The following RBMS3 variants were observed in gnomAD, a reference collection of about 807,000 sequenced individuals.
The protein encoded by RBMS3 is RNA-binding motif, single-stranded-interacting protein 3.
A neutral mutation model predicts 66.8 loss-of-function variants in RBMS3; 27 were observed. The observed-to-expected ratio is 0.40, with a 90% CI of 0.30 to 0.56. The LOEUF is 0.56. Among genes scored for constraint, RBMS3 ranks in the 20% least tolerant of loss-of-function variants. The pLI is 0.40. For synonymous variants in RBMS3, 188 were observed against 183.0 expected (o/e 1.03, Z -0.22); for missense variants, 513 against 549.5 (o/e 0.93, Z 0.66).
chr3:29,927,692 T>G (rs76755392), intron 10 of RBMS3, among the ~76,000 whole-genome samples: 3,869 of 152,176 alleles, frequency 0.025, 99 homozygotes, highest in African/African-American at 0.066. Flanking sequence ...AAGAGAATGA[T>G]GAGGAATACA....
intron 1 of RBMS3, among the ~76,000 whole-genome samples, chr3:29,289,539 A>G (rs2032647143): frequency 6.6e-6 from 1 of 152,060 alleles, no homozygotes; most frequent in Admixed American, 6.6e-5. Flanking sequence ...TTATAAAAGC[A>G]TAAAGAATCC....
chr3:29,493,266 G>T (rs757597855), intron 3 of RBMS3, among the ~76,000 whole-genome samples: 1 of 152,158 alleles, frequency 6.6e-6, no homozygotes, highest in Non-Finnish European at 1.5e-5. Flanking sequence ...ACTGAACATG[G>T]AGCTATGTAA....
At chr3:29,558,660 C>T (rs182039799) in intron 3 of RBMS3, among the ~76,000 whole-genome samples, 43 of 152,208 alleles carry the variant, frequency 2.8e-4, no homozygotes, top group African/African-American at 1.0e-3. Flanking sequence ...CTCTTAGAAC[C>T]TGAAATGATC....
intron 1 of RBMS3, among the ~76,000 whole-genome samples, chr3:29,433,114 G>T (rs1441250588): frequency 2.0e-5 from 3 of 147,864 alleles, no homozygotes. Context: ...GTTTCTTGAG[G>T]TTTTTTTTTT....
intron 3 of RBMS3, among the ~76,000 whole-genome samples, chr3:29,552,671 G>T (rs1039353448): frequency 1.3e-5 from 2 of 151,912 alleles, no homozygotes; most frequent in East Asian, 1.9e-4. Flanking sequence ...CTGAAGAAAA[G>T]AAAATTAAAA....
chr3:29,803,553 C>A (rs2057453318), intron 6 of RBMS3, among the ~76,000 whole-genome samples: 1 of 151,940 alleles, frequency 6.6e-6, no homozygotes, highest in Non-Finnish European at 1.5e-5. Context: ...AGTTTGCAAA[C>A]TGGTTGTCTT....
chr3:29,747,644 A>G (rs536148530), intron 5 of RBMS3, among the ~76,000 whole-genome samples: 7 of 152,320 alleles, frequency 4.6e-5, no homozygotes, highest in African/African-American at 1.7e-4. Context: ...ATGACCAGGA[A>G]AAATTAGGCA....
At chr3:29,691,138 G>T (rs1330903508) in intron 4 of RBMS3, among the ~76,000 whole-genome samples, 1 of 152,126 alleles carries the variant, frequency 6.6e-6, no homozygotes, top group Non-Finnish European at 1.5e-5. Flanking sequence ...GTATAAATAT[G>T]CCAGTCATAT....
intron 12 of RBMS3, among the ~76,000 whole-genome samples, chr3:29,977,617 A>G (rs2149774697): frequency 6.6e-6 from 1 of 152,238 alleles, no homozygotes; most frequent in Middle Eastern, 3.4e-3. Flanking sequence ...TGTGGGTTTG[A>G]AAATGGTTAT....
chr3:29,689,891 G>A (rs1467492357), intron 4 of RBMS3, among the ~76,000 whole-genome samples: 1 of 73,462 alleles, frequency 1.4e-5, no homozygotes, highest in African/African-American at 4.8e-5. Context: ...ACCAGATTCA[G>A]CAACATAGCA....
At chr3:29,579,780 C>T (rs909523360) in intron 3 of RBMS3, among the ~76,000 whole-genome samples, 1 of 152,102 alleles carries the variant, frequency 6.6e-6, no homozygotes, top group African/African-American at 2.4e-5. Context: ...GGTTAATCTG[C>T]CCATTTACTG....
chr3:29,835,142 A>G (rs149747663), intron 6 of RBMS3, among the ~76,000 whole-genome samples: 33 of 152,184 alleles, frequency 2.2e-4, no homozygotes, highest in African/African-American at 7.7e-4. Flanking sequence ...TATTAAGCAA[A>G]TATTAACAGA....
At chr3:29,965,719 G>C (rs1213727546) in intron 12 of RBMS3, among the ~76,000 whole-genome samples, 1 of 152,094 alleles carries the variant, frequency 6.6e-6, no homozygotes, top group Non-Finnish European at 1.5e-5. Flanking sequence ...CTGTACAAAA[G>C]CATCTTAGTT....
chr3:29,738,762 A>G (rs557271225), intron 4 of RBMS3, among the ~76,000 whole-genome samples: 20 of 152,296 alleles, frequency 1.3e-4, no homozygotes, highest in South Asian at 1.0e-3. Context: ...TGTGTTTCCA[A>G]TAAGTTCCCA....
chr3:29,731,820 T>A (rs896866746), intron 4 of RBMS3, among the ~76,000 whole-genome samples: 1 of 152,078 alleles, frequency 6.6e-6, no homozygotes, highest in African/African-American at 2.4e-5. Flanking sequence ...CCTCACTCCC[T>A]CTCGTGCACT....
intron 2 of RBMS3, among the ~76,000 whole-genome samples, chr3:29,443,702 C>T (rs914050735): frequency 3.3e-5 from 5 of 151,972 alleles, no homozygotes; most frequent in African/African-American, 7.2e-5. Flanking sequence ...AGCAAGAAGA[C>T]GAGCAAGGAG....
At chr3:29,431,379 G>T (rs1202754794) in intron 1 of RBMS3, among the ~76,000 whole-genome samples, 1 of 142,766 alleles carries the variant, frequency 7.0e-6, no homozygotes, top group African/African-American at 2.6e-5. Flanking sequence ...TGCAACCTCT[G>T]ACTCTCGGGT....
chr3:29,826,048 C>T (rs1215071187), intron 6 of RBMS3, among the ~76,000 whole-genome samples: 1 of 152,072 alleles, frequency 6.6e-6, no homozygotes, highest in Non-Finnish European at 1.5e-5. Flanking sequence ...GATAAATGCT[C>T]TTTTTCCATT....
intron 14 of RBMS3, among the ~76,000 whole-genome samples, chr3:30,002,390 AACACAC>A (rs151133570): frequency 1.3e-5 from 2 of 151,476 alleles, no homozygotes; most frequent in South Asian, 4.2e-4. Context: ...ACTCTCCCCC[AACACAC>A]ACACACATAC....
Sources: allele counts gnomAD v4.1 joint callset (sites outside exome capture counted in the v4.1 genomes callset), GRCh38; gene constraint gnomAD v4.1.1; transcripts MANE v1.5; gene names NCBI Gene and HGNC (gene_info 2026-07-23, HGNC 2026-07-21).